Variants in OPCML observed in about 807,000 individuals in gnomAD.
The protein encoded by OPCML is opioid binding protein/cell adhesion molecule like, also known as opioid-binding protein/cell adhesion molecule.
A neutral mutation model predicts 37.8 loss-of-function variants in OPCML; 13 were observed. That is an observed-to-expected ratio of 0.34 (90% confidence interval 0.22 to 0.55). OPCML has a LOEUF of 0.55. Among genes scored for constraint, OPCML ranks in the 20% least tolerant of loss-of-function variants. The pLI, the probability that OPCML is intolerant of heterozygous loss-of-function variation, is 0.91. For missense variants in OPCML, 341 were observed against 435.6 expected, an observed-to-expected ratio of 0.78 and a Z score of 1.93; for synonymous variants, 176 against 168.8, an observed-to-expected ratio of 1.04 and a Z score of -0.33.
chr11:133,499,882 T>TG (rs1947874796), intron 1 of OPCML, among the ~76,000 whole-genome samples: 2 of 144,140 alleles, frequency 1.4e-5, no homozygotes, highest in African/African-American at 5.2e-5. Context: ...ATATTTTTTT[T>TG]TTTTTTTGAA....
intron 1 of OPCML, among the ~76,000 whole-genome samples, chr11:133,351,778 C>T (rs1944143261): frequency 6.6e-6 from 1 of 152,138 alleles, no homozygotes; most frequent in Admixed American, 6.5e-5. Context: ...CACACACACA[C>T]ACACGTACAC....
At chr11:133,358,685 GC>G (rs1230897708) in intron 1 of OPCML, among the ~76,000 whole-genome samples, 1 of 152,198 alleles carries the variant, frequency 6.6e-6, no homozygotes, top group Non-Finnish European at 1.5e-5. Context: ...CAGTGCTAGG[GC>G]TCTGAGGATG....
chr11:132,490,911 C>A (rs1270029594), intron 4 of OPCML, among the ~76,000 whole-genome samples: 1 of 152,026 alleles, frequency 6.6e-6, no homozygotes, highest in Non-Finnish European at 1.5e-5. Context: ...TTCTCACTTT[C>A]CCCCTACAAA....
chr11:133,251,547 C>A (rs1331986788), intron 1 of OPCML, among the ~76,000 whole-genome samples: 1 of 145,752 alleles, frequency 6.9e-6, no homozygotes, highest in Admixed American at 6.9e-5. Context: ...AGAACCAGAT[C>A]TAGTTTTTTG....
chr11:133,230,715 AT>A (rs965264827), intron 1 of OPCML, among the ~76,000 whole-genome samples: 1 of 152,180 alleles, frequency 6.6e-6, no homozygotes, highest in Non-Finnish European at 1.5e-5. Flanking sequence ...TGGCCACCCC[AT>A]CACAGCACCT....
intron 4 of OPCML, among the ~76,000 whole-genome samples, chr11:132,443,793 A>G (rs1437214156): frequency 6.6e-6 from 1 of 152,228 alleles, no homozygotes; most frequent in African/African-American, 2.4e-5. Flanking sequence ...GTGCAGGGAA[A>G]GGTACAGACT....
intron 1 of OPCML, chr11:133,004,475 GAC>G (rs1230735043): frequency 7.1e-6 from 7 of 985,324 alleles, no homozygotes; most frequent in Non-Finnish European, 7.2e-6. Flanking sequence ...TGGTGGAGGG[GAC>G]ACAGAGGCCA....
At chr11:132,697,500 T>TA (rs1045341284) in intron 2 of OPCML, among the ~76,000 whole-genome samples, 2 of 152,216 alleles carry the variant, frequency 1.3e-5, no homozygotes, top group African/African-American at 4.8e-5. Flanking sequence ...TAAATTTTTT[T>TA]AGATTCTACA....
chr11:133,219,156 G>A (rs1304086911), intron 1 of OPCML, among the ~76,000 whole-genome samples: 1 of 152,202 alleles, frequency 6.6e-6, no homozygotes, highest in Non-Finnish European at 1.5e-5. Context: ...GACTGGGGAA[G>A]AAACACGGCT....
chr11:132,463,615 A>G (rs2508968), intron 4 of OPCML, among the ~76,000 whole-genome samples: 76,169 of 152,056 alleles, frequency 0.5, 19,902 homozygotes, highest in East Asian at 0.86. Context: ...TGGGATTAGA[A>G]CATGCTTTGC....
chr11:132,684,438 C>A (rs964589835), intron 2 of OPCML, among the ~76,000 whole-genome samples: 4 of 152,062 alleles, frequency 2.6e-5, no homozygotes, highest in African/African-American at 9.7e-5. Flanking sequence ...TCATATGATT[C>A]TAATATAAAG....
At chr11:132,790,674 C>T (rs551080890) in intron 2 of OPCML, among the ~76,000 whole-genome samples, 1 of 152,142 alleles carries the variant, frequency 6.6e-6, no homozygotes, top group Non-Finnish European at 1.5e-5. Context: ...TTGCAGGAAC[C>T]CCGGAGGAAA....
At chr11:132,712,378 A>T (rs1224884626) in intron 2 of OPCML, among the ~76,000 whole-genome samples, 4 of 150,998 alleles carry the variant, frequency 2.6e-5, no homozygotes, top group African/African-American at 9.8e-5. Context: ...GAAGGTCGCC[A>T]CTTAATAAGG....
At chr11:132,739,816 C>A (rs1420885469) in intron 2 of OPCML, among the ~76,000 whole-genome samples, 2 of 152,180 alleles carry the variant, frequency 1.3e-5, no homozygotes, top group African/African-American at 4.8e-5. Context: ...TAAATATGCA[C>A]TAAGTCTTAA....
intron 2 of OPCML, among the ~76,000 whole-genome samples, chr11:132,882,864 G>C (rs1943267255): frequency 6.6e-6 from 1 of 152,186 alleles, no homozygotes; most frequent in Non-Finnish European, 1.5e-5. Context: ...AATTGGAAGA[G>C]TAAAAAACTC....
intron 1 of OPCML, among the ~76,000 whole-genome samples, chr11:133,138,886 C>A (rs1014381326): frequency 6.6e-6 from 1 of 152,192 alleles, no homozygotes; most frequent in Non-Finnish European, 1.5e-5. Flanking sequence ...GAATGATCAG[C>A]AAGTCTATTC....
intron 2 of OPCML, among the ~76,000 whole-genome samples, chr11:132,818,637 G>C (rs1939778965): frequency 6.5e-5 from 1 of 15,316 alleles, no homozygotes; most frequent in Admixed American, 6.8e-4. Flanking sequence ...CACATAGATA[G>C]ATATGAGTGT....
chr11:132,832,468 G>T (rs969466372), intron 2 of OPCML, among the ~76,000 whole-genome samples: 1 of 152,020 alleles, frequency 6.6e-6, no homozygotes, highest in African/African-American at 2.4e-5. Context: ...GCTTATCTGG[G>T]CCATGAACAG....
rs1010432959 is a variant in OPCML, at chr11:133,177,291, G to A, written c.62-234281C>T. Among the ~76,000 whole-genome samples the A allele has an allele frequency of 4.6e-5, 7 of 152,314 alleles. No individual in the cohort carries two copies. The highest frequency in any genetic ancestry group is 4.1e-4 in the South Asian group (2 of 4,830). ...AGATCTGAAAGAAGTGGGAAATAAAGCTGGATGACTTTGAAGGACTTTTTA... is the reference window on the plus strand; with the variant it reads ...AGATCTGAAAGAAGTGGGAAATAAAACTGGATGACTTTGAAGGACTTTTTA... On this transcript the variant is annotated intron_variant, in intron 1 of 7. Coordinates refer to ENST00000524381, the MANE Select transcript of OPCML (RefSeq NM_001012393.5). The surrounding 1 kb of genome is among the most constrained non-coding windows in gnomAD (Gnocchi z 5.0).
Sources: gnomAD v4.1 joint callset for allele counts (sites outside exome capture counted in the v4.1 genomes callset) on GRCh38, gnomAD v4.1.1 for gene constraint, Gnocchi (gnomAD v3.1) non-coding constraint, MANE v1.5 for transcripts, NCBI Gene and HGNC (gene_info 2026-07-23, HGNC 2026-07-21) for gene names.